BEAN1: variants seen among roughly 807,000 people sequenced by gnomAD.
BEAN1 encodes brain expressed associated with NEDD4 1.
Under a neutral mutation model 17.7 loss-of-function variants are expected in BEAN1, and 17 were observed. The ratio of observed to expected loss-of-function variants is 0.96; its 90% CI spans 0.66 to 1.44. The LOEUF is 1.44. Ranked by LOEUF, BEAN1 falls within the 40% of genes most tolerant of loss-of-function variation. The pLI is 0.00. For missense variants in BEAN1, 359 were observed against 374.1 expected (o/e 0.96, Z 0.33); for synonymous variants, 142 against 151.8 (o/e 0.94, Z 0.47).
intron 1 of BEAN1, chr16:66,428,108 G>A (rs1961651278): frequency 6.6e-6 from 1 of 152,288 alleles, no homozygotes; most frequent in East Asian, 1.9e-4. Context: ...TACGAGGCGA[G>A]GCGGCAGGCA....
intron 3 of BEAN1, among the ~76,000 whole-genome samples, chr16:66,474,682 A>G (rs1963661280): frequency 6.7e-6 from 1 of 148,632 alleles, no homozygotes; most frequent in East Asian, 2.0e-4. Flanking sequence ...AAGAAGAAAG[A>G]GAAGAGAAGA....
chr16:66,441,207 G>A (rs1176080579), intron 2 of BEAN1, among the ~76,000 whole-genome samples: 1 of 152,180 alleles, frequency 6.6e-6, no homozygotes, highest in Non-Finnish European at 1.5e-5. Flanking sequence ...AACTGAACAA[G>A]CGAATGAGTC....
At chr16:66,491,031 C>A (rs1471200072) in intron 4 of BEAN1, among the ~76,000 whole-genome samples, 3 of 152,214 alleles carry the variant, frequency 2.0e-5, no homozygotes, top group African/African-American at 7.2e-5. Flanking sequence ...CCAGCCCCCC[C>A]GAAGCCACCA....
rs550028142 is a variant in BEAN1 at position 66,440,581 on chromosome 16, G to C, written c.25+2880G>C. Among the ~76,000 whole-genome samples, 9 of 152,306 alleles carry C rather than the reference G, an allele frequency of 5.9e-5. No homozygotes were observed. The South Asian group carries it at 1.9e-3, about 32-fold the overall frequency. On this transcript the variant is annotated intron_variant, in intron 2 of 4. Coordinates refer to ENST00000536005, the MANE Select transcript of BEAN1 (RefSeq NM_001178020.3). Reference sequence around the variant, plus strand: ...TGGTGGAAGAGCAGGGATTCTCCCTGCACCTGCCCTGGGATGCTGGGCCCC... The same window carrying C: ...TGGTGGAAGAGCAGGGATTCTCCCTCCACCTGCCCTGGGATGCTGGGCCCC...
At chr16:66,470,802 C>G (rs1963456274) in intron 3 of BEAN1, among the ~76,000 whole-genome samples, 1 of 152,178 alleles carries the variant, frequency 6.6e-6, no homozygotes, top group Non-Finnish European at 1.5e-5. Context: ...TCTAAGGCAG[C>G]AGGAAAAAAT....
intron 2 of BEAN1, among the ~76,000 whole-genome samples, chr16:66,448,013 G>T (rs1323442365): frequency 6.6e-6 from 1 of 152,136 alleles, no homozygotes; most frequent in Non-Finnish European, 1.5e-5. Flanking sequence ...GTGACCCAAG[G>T]CACATCTTTA....
chr16:66,493,540 C>T, downstream of BEAN1: 2 of 583,370 alleles, frequency 3.4e-6, no homozygotes, highest in East Asian at 2.8e-5. Flanking sequence ...TTCCCAAGGA[C>T]ATTTTCCTGA....
intron 2 of BEAN1, among the ~76,000 whole-genome samples, chr16:66,448,127 T>C (rs1157501126): frequency 6.6e-6 from 1 of 152,218 alleles, no homozygotes; most frequent in African/African-American, 2.4e-5. Context: ...CCCTCCCCTG[T>C]AGGCCCCAAG....
chr16:66,459,681 C>T (rs1230100308), intron 2 of BEAN1, among the ~76,000 whole-genome samples: 2 of 152,164 alleles, frequency 1.3e-5, no homozygotes, highest in South Asian at 4.1e-4. Context: ...CTGCAAGCCC[C>T]TCCAAACTTA....
intron 2 of BEAN1, among the ~76,000 whole-genome samples, chr16:66,458,577 A>G (rs1180885287): frequency 6.7e-6 from 1 of 148,936 alleles, no homozygotes; most frequent in African/African-American, 2.5e-5. Context: ...CCACCCCCAA[A>G]CCCCTCAGCC....
intron 2 of BEAN1, among the ~76,000 whole-genome samples, chr16:66,469,131 C>T (rs867541039): frequency 8.5e-5 from 13 of 152,336 alleles, no homozygotes; most frequent in Non-Finnish European, 1.5e-4. Flanking sequence ...GCCCACAGCC[C>T]CAGGCCTGCC....
chr16:66,469,748 A>G lies in BEAN1; in HGVS notation c.172A>G (p.Ser58Gly). The change falls in exon 3 of 5, where the codon AGC (serine) becomes GGC (glycine). Residue 58 changes from serine to glycine, a missense_variant. Transcript: ENST00000536005. ...CTCCTGCATCACCATCATTGTGGGC[A>G]GCATCCGCAGGGACAGGCAGGCCCG... ...ILSCITIIVG[S>G]IRRDRQARLQ... The G allele has an allele frequency of 1.3e-6, 2 of 1,536,186 alleles. No individual in the cohort carries two copies. The highest frequency in any genetic ancestry group is 1.7e-4 in the Middle Eastern group (1 of 5,990).
chr16:66,431,238 A>G (rs1199694729), intron 1 of BEAN1, among the ~76,000 whole-genome samples: 6 of 152,238 alleles, frequency 3.9e-5, no homozygotes, highest in Admixed American at 1.3e-4. Context: ...CTGAGGCAGG[A>G]TCTCTTGAGC....
intron 4 of BEAN1, chr16:66,478,069 G>A (rs1257989185): frequency 5.4e-6 from 1 of 186,104 alleles, no homozygotes; most frequent in African/African-American, 2.4e-5. Flanking sequence ...TGGGAGGGAA[G>A]GCCAGAGGAG....
intron 2 of BEAN1, among the ~76,000 whole-genome samples, chr16:66,464,130 A>AT (rs376492636): frequency 2.0e-5 from 3 of 152,276 alleles, no homozygotes; most frequent in South Asian, 2.1e-4. Context: ...TTTCACATGA[A>AT]TTTTAAGATC....
intron 4 of BEAN1, among the ~76,000 whole-genome samples, chr16:66,490,454 T>TAAAATAAAATAAAATAAAATAAAATAA (rs772932259): frequency 1.8e-4 from 8 of 45,178 alleles, no homozygotes; most frequent in South Asian, 6.9e-4. Flanking sequence ...TAAAATAAAA[T>TAAAATAAAATAAAATAAAATAAAATAA]AATAAAATAA....
Position 66,482,727 on chromosome 16 carries a change from G to C in BEAN1, c.*1802G>C, listed in dbSNP as rs1597054011. 7.9e-6 allele frequency: 3 copies of C among 381,674 alleles called. No homozygotes were observed. In the East Asian group the frequency reaches 2.2e-4, roughly 28 times the overall value. 23.6% of individuals were successfully genotyped at this position (381,674 alleles called of 1,614,324 possible). On this transcript the variant is annotated 3_prime_UTR_variant, in exon 5 of 5. Transcript: ENST00000536005. Reference sequence around the variant, plus strand: ...AGTGTTTGAAAGATGGAGCTGAATAGCTTTTCTTGTTCCTGGACTAGGCAA... The same window carrying C: ...AGTGTTTGAAAGATGGAGCTGAATACCTTTTCTTGTTCCTGGACTAGGCAA...
rs1467849676 is a variant in BEAN1 at position 66,473,628 on chromosome 16, T to C, written c.289+3763T>C. On this transcript the variant is annotated intron_variant, in intron 3 of 4. Coordinates refer to ENST00000536005, the MANE Select transcript of BEAN1 (RefSeq NM_001178020.3). This position sits in a 1 kb window ranked among gnomAD's most constrained non-coding sequence, Gnocchi z 4.5. Reference sequence around the variant, plus strand: ...GGGAGGATAGCTTGAGCTCAGGGGTTTCAGGCTGCAGTGAGCTACGATCAC... The same window carrying C: ...GGGAGGATAGCTTGAGCTCAGGGGTCTCAGGCTGCAGTGAGCTACGATCAC... Among the ~76,000 whole-genome samples the C allele has an allele frequency of 6.6e-6, 1 of 151,816 alleles. No homozygotes were observed. Among genetic ancestry groups the C allele is most frequent in the African/African-American group, 2.4e-5 (1 of 41,272 alleles).
At chr16:66,487,191 T>C (rs1964101199), downstream of BEAN1, among the ~76,000 whole-genome samples, 1 of 152,226 alleles carries the variant, frequency 6.6e-6, no homozygotes, top group African/African-American at 2.4e-5. Context: ...GTTTTGTTCC[T>C]GAAGAGGAAC....
Sources: gnomAD v4.1 joint callset for allele counts (sites outside exome capture counted in the v4.1 genomes callset) on GRCh38, gnomAD v4.1.1 for gene constraint, Gnocchi (gnomAD v3.1) non-coding constraint, MANE v1.5 for transcripts, NCBI Gene and HGNC (gene_info 2026-07-23, HGNC 2026-07-21) for gene names.